MAS1L: variants seen among roughly 807,000 people sequenced by gnomAD.
MAS1L encodes the protein MAS1 proto-oncogene like, G protein-coupled receptor, also known as mas-related G protein-coupled receptor MRG.
For missense variants in MAS1L, 441 were observed against 460.1 expected (o/e 0.96, Z 0.38); for synonymous variants, 160 against 182.9 (o/e 0.87, Z 1.01).
Position 29,487,164 on chromosome 6 carries a change from G to C in MAS1L, c.739C>G (p.Leu247Val). ...LVMCVSSLTLLIRFLCCSQQQ... is the reference protein window; with the variant it reads ...LVMCVSSLTLVIRFLCCSQQQ... The stretch of plus-strand genomic sequence containing the variant: ...TGGGAGCAGCACAGGAATCTAATGA[G>C]TAGAGTCAGACTCGACACACACATC... The change falls in exon 1 of 1, where the codon CTC becomes GTC. Residue 247 changes from leucine (L) to valine (V), a missense_variant. Physicochemically the swap from Leu to Val is conservative, Grantham distance 32. Transcript: ENST00000377127. 1 of 1,614,096 alleles carries C rather than the reference G, an allele frequency of 6.2e-7. No individual in the cohort carries two copies.
rs770468152 is a variant in MAS1L at position 29,487,755 on chromosome 6, C to T, written c.148G>A (p.Val50Ile). 1.7e-5 allele frequency: 27 copies of T among 1,614,126 alleles called. No homozygotes were observed. The highest frequency in any genetic ancestry group is 2.2e-5 in the Non-Finnish European group (26 of 1,180,062). The part of the protein sequence containing the change: ...NPNLVSQLCG[V>I]FLQNETNETI... The stretch of plus-strand genomic sequence containing the variant: ...TCATTCGTCTCATTTTGAAGAAAGA[C>T]GCCACAGAGCTGAGATACCAGGTTT... The change falls in exon 1 of 1, where the codon GTC becomes ATC. Residue 50 changes from valine to isoleucine, a missense_variant. Val to Ile is a conservative substitution (Grantham distance 29). Coordinates refer to ENST00000377127, the MANE Select transcript of MAS1L (RefSeq NM_052967.2).
At position 29,486,739 on chromosome 6, in the gene MAS1L, A is replaced by G; in HGVS notation, c.*27T>C. On this transcript the variant is annotated 3_prime_UTR_variant, in exon 1 of 1. Coordinates refer to ENST00000377127, the MANE Select transcript of MAS1L (RefSeq NM_052967.2). ...CAGAACAGGCTGGGTTACTATGTGT[A>G]CAATTCCCCAGCTCAGATGTGGGAA... is the stretch of plus-strand genomic sequence containing the variant. 2 of 1,589,646 alleles carry G rather than the reference A, an allele frequency of 1.3e-6. No homozygotes were observed. The highest frequency in any genetic ancestry group is 1.7e-6 in the Non-Finnish European group (2 of 1,169,110).
Position 29,486,973 on chromosome 6 carries a change from G to A in MAS1L, c.930C>T (p.Asn310=). The A allele has an allele frequency of 6.2e-7, 1 of 1,614,110 alleles. No individual in the cohort carries two copies. The highest frequency in any genetic ancestry group is 8.5e-7 in the Non-Finnish European group (1 of 1,180,014). The change falls in exon 1 of 1, where the codon AAC becomes AAT. Residue 310 remains asparagine, a synonymous_variant. Coordinates refer to ENST00000377127, the MANE Select transcript of MAS1L (RefSeq NM_052967.2). ...TCCCCACAAAGAAATAAATGATAGGGTTGGCGCTGCTGTTTATAATGAGGA... is the reference window on the plus strand; with the variant it reads ...TCCCCACAAAGAAATAAATGATAGGATTGGCGCTGCTGTTTATAATGAGGA... ...SLFLIINSSA[N]PIIYFFVGSL...
chr6:29,487,617 C>G lies in MAS1L; in HGVS notation c.286G>C (p.Val96Leu). 6.2e-7 allele frequency: 1 copy of G among 1,614,198 alleles called. No homozygotes were observed. The highest frequency in any genetic ancestry group is 8.5e-7 in the Non-Finnish European group (1 of 1,180,026). Reference sequence around the variant, plus strand: ...GCCCCACAGCAAAGCAGCCAGAAGACAGTGCCATTCAATAAGACCCCACAG... The same window carrying G: ...GCCCCACAGCAAAGCAGCCAGAAGAGAGTGCCATTCAATAAGACCCCACAG... ...SLCGVLLNGT[V>L]FWLLCCGATN... is the part of the protein sequence containing the mutation. Residue 96 changes from valine (V) to leucine (L), a missense_variant, in exon 1 of 1, where the codon GTC (valine) becomes CTC (leucine). By Grantham distance (32) the Val-to-Leu change is conservative (BLOSUM62 1). Coordinates refer to ENST00000377127, the MANE Select transcript of MAS1L (RefSeq NM_052967.2).
chr6:29,487,572 A>T lies in MAS1L; in HGVS notation c.331T>A (p.Tyr111Asn). 1 of 1,614,202 alleles carries T rather than the reference A, an allele frequency of 6.2e-7. No individual in the cohort carries two copies. Among genetic ancestry groups the T allele is most frequent in the Non-Finnish European group, 8.5e-7 (1 of 1,180,032 alleles). Reference protein sequence around the residue: ...CCGATNPYMVYILHLVAADVI... With the variant: ...CCGATNPYMVNILHLVAADVI... ...TCAGCAGCGACCAGGTGGAGGATGT[A>T]TACCATGTAGGGATTCGTGGCCCCA... Residue 111 changes from tyrosine to asparagine, a missense_variant, in exon 1 of 1, where the codon TAC becomes AAC. By Grantham distance (143) the Tyr-to-Asn change is moderately radical. Coordinates refer to ENST00000377127, the MANE Select transcript of MAS1L (RefSeq NM_052967.2).
chr6:29,487,894 C>T, the MAS1L span: 1 of 1,607,642 alleles, frequency 6.2e-7, no homozygotes, highest in African/African-American at 1.3e-5. Context: ...AAATTTTCCC[C>T]CAGACCATGG....
rs1173651487 is a variant in MAS1L at position 29,487,324 on chromosome 6, GACA to G, written c.576_578del (p.Val193del). The G allele has an allele frequency of 1.2e-6, 2 of 1,614,110 alleles. No homozygotes were observed. The highest frequency in any genetic ancestry group is 1.1e-5 in the South Asian group (1 of 91,082). ...AAGGCAGGCCCCAGATGAGGGTGCAGACAACATTAGATGTGTATTTTGGGCGGT... is the reference window on the plus strand; with the variant it reads ...AAGGCAGGCCCCAGATGAGGGTGCAGACATTAGATGTGTATTTTGGGCGGT... On this transcript the variant is annotated inframe_deletion, in exon 1 of 1. Transcript: ENST00000377127.
At position 29,486,755 on chromosome 6, in the gene MAS1L, G is replaced by A; in HGVS notation, c.*11C>T. On this transcript the variant is annotated 3_prime_UTR_variant, in exon 1 of 1. Coordinates refer to ENST00000377127, the MANE Select transcript of MAS1L (RefSeq NM_052967.2). Reference sequence around the variant, plus strand: ...ACTATGTGTACAATTCCCCAGCTCAGATGTGGGAAATTATGTTTCCACATC... The same window carrying A: ...ACTATGTGTACAATTCCCCAGCTCAAATGTGGGAAATTATGTTTCCACATC... 6.2e-7 allele frequency: 1 copy of A among 1,604,220 alleles called. No homozygotes were observed. Among genetic ancestry groups the A allele is most frequent in the Non-Finnish European group, 8.5e-7 (1 of 1,175,522 alleles).
In MAS1L at chr6:29,487,254, G is replaced by A. The variant is rs757000368; in HGVS notation, c.649C>T (p.His217Tyr). 6.2e-7 allele frequency: 1 copy of A among 1,614,158 alleles called. No homozygotes were observed. Among genetic ancestry groups the A allele is most frequent in the South Asian group, 1.1e-5 (1 of 91,084 alleles). ...AGAAATATGACACATGCCTTTACAT[G>A]TTTCCAGTAAGTTAGGAAAAGTGAT... ...VKSLFLTYWK[H>Y]VKACVIFLKL... Residue 217 changes from histidine (H) to tyrosine (Y), a missense_variant, in exon 1 of 1, where the codon CAT becomes TAT. By Grantham distance (83) the His-to-Tyr change is moderately conservative. Transcript: ENST00000377127.
rs1435449305 is a variant in MAS1L, at chr6:29,487,332, T to C, written c.571A>G (p.Asn191Asp). 15 of 1,613,702 alleles carry C rather than the reference T, an allele frequency of 9.3e-6. No homozygotes were observed. Among genetic ancestry groups the C allele is most frequent in the South Asian group, 1.1e-5 (1 of 91,026 alleles). Residue 191 changes from asparagine to aspartate, a missense_variant, in exon 1 of 1, where the codon AAT becomes GAT. Asn to Asp is a conservative substitution (Grantham distance 23). Transcript: ENST00000377127. ...YRCHRPKYTSNVVCTLIWGLP... is the reference protein window; with the variant it reads ...YRCHRPKYTSDVVCTLIWGLP... ...CCCCAGATGAGGGTGCAGACAACAT[T>C]AGATGTGTATTTTGGGCGGTGGCAT... is the stretch of plus-strand genomic sequence containing the variant.
chr6:29,486,831 G>A lies in MAS1L; in HGVS notation c.1072C>T (p.Pro358Ser). The A allele has an allele frequency of 6.2e-7, 1 of 1,614,146 alleles. No homozygotes were observed. The highest frequency in any genetic ancestry group is 8.5e-7 in the Non-Finnish European group (1 of 1,180,032). The change falls in exon 1 of 1, where the codon CCA becomes TCA. Residue 358 changes from proline (P) to serine (S), a missense_variant. Pro to Ser is a moderately conservative substitution (Grantham distance 74, BLOSUM62 -1). Coordinates refer to ENST00000377127, the MANE Select transcript of MAS1L (RefSeq NM_052967.2). ...KAAGIDPMEQ[P>S]HSTQHVENLL... ...TTCTCCACATGCTGAGTAGAGTGTG[G>A]TTGCTCCATTGGGTCGATGCCAGCT...
Position 29,487,862 on chromosome 6 carries a change from C to G in MAS1L, c.41G>C (p.Gly14Ala). Residue 14 changes from glycine to alanine, a missense_variant, in exon 1 of 1, where the codon GGA becomes GCA. Gly to Ala is a moderately conservative substitution (Grantham distance 60). Transcript: ENST00000377127. ...CTGTGACTCAGCAAACACTGTCCAT[C>G]CAGCCCTCTGGCTGAACCAGCAAAT... ...GKICWFSQRA[G>A]WTVFAESQIS... The G allele has an allele frequency of 6.2e-7, 1 of 1,613,060 alleles. No homozygotes were observed.
chr6:29,486,935 T>C lies in MAS1L; in HGVS notation c.968A>G (p.Lys323Arg). 1 of 1,614,174 alleles carries C rather than the reference T, an allele frequency of 6.2e-7. No individual in the cohort carries two copies. Among genetic ancestry groups the C allele is most frequent in the African/African-American group, 1.3e-5 (1 of 75,036 alleles). ...IYFFVGSLRK[K>R]RLKESLRVIL... ...CACTCTGAGAGATTCCTTCAGCCTT[T>C]TCTTTCTGAGGCTCCCCACAAAGAA... The change falls in exon 1 of 1, where the codon AAA (lysine) becomes AGA (arginine). Residue 323 changes from lysine (K) to arginine (R), a missense_variant. Transcript: ENST00000377127.
rs17184114 is a variant in MAS1L, at chr6:29,487,822, A to G, written c.81T>C (p.Cys27=). 64,411 of 1,614,082 alleles carry G rather than the reference A, an allele frequency of 0.04. 3,599 individuals are homozygous for G. The highest frequency in any genetic ancestry group is 0.22 in the African/African-American group (16,866 of 74,992). Residue 27 remains cysteine (C), a synonymous_variant, in exon 1 of 1, where the codon TGT becomes TGC. Transcript: ENST00000377127. ...GGTCACCACTGTGGAGACAAAGGCT[A>G]CATGAGAGAGATATCTGTGACTCAG... ...VFAESQISLS[C]SLCLHSGDQE... is the part of the protein sequence containing the mutation.
At position 29,487,291 on chromosome 6, in the gene MAS1L, G is replaced by A; in HGVS notation, c.612C>T (p.Ile204=). The change falls in exon 1 of 1, where the codon ATC becomes ATT. Residue 204 remains isoleucine (I), a synonymous_variant. Transcript: ENST00000377127. ...CTLIWGLPFC[I]NIVKSLFLTY... is the part of the protein sequence containing the mutation. ...TTAGGAAAAGTGATTTTACTATGTT[G>A]ATGCAAAAAGGCAGGCCCCAGATGA... 6.2e-7 allele frequency: 1 copy of A among 1,614,094 alleles called. No homozygotes were observed.
In MAS1L at chr6:29,487,188, T is replaced by A. The variant is rs766125795; in HGVS notation, c.715A>T (p.Met239Leu). ...AGTAGAGTCAGACTCGACACACACA[T>A]CACAAGTGAAAGGATAGCATGGAAG... ...GLFHAILSLV[M>L]CVSSLTLLIR... is the part of the protein sequence containing the mutation. Residue 239 changes from methionine (M) to leucine (L), a missense_variant, in exon 1 of 1, where the codon ATG (methionine) becomes TTG (leucine). Coordinates refer to ENST00000377127, the MANE Select transcript of MAS1L (RefSeq NM_052967.2). 1.9e-6 allele frequency: 3 copies of A among 1,613,976 alleles called. No individual in the cohort carries two copies. In the East Asian group the frequency reaches 6.7e-5, roughly 36 times the overall value.
At position 29,487,858 on chromosome 6, in the gene MAS1L, C is replaced by A. The variant is rs757207904; in HGVS notation, c.45G>T (p.Trp15Cys). 3.1e-6 allele frequency: 5 copies of A among 1,613,256 alleles called. No homozygotes were observed. The Admixed American group carries it at 8.3e-5, about 27-fold the overall frequency. The change falls in exon 1 of 1, where the codon TGG (tryptophan) becomes TGT (cysteine). Residue 15 changes from tryptophan (W) to cysteine (C), a missense_variant. Transcript: ENST00000377127. ...KICWFSQRAG[W>C]TVFAESQISL... Reference sequence around the variant, plus strand: ...ATATCTGTGACTCAGCAAACACTGTCCATCCAGCCCTCTGGCTGAACCAGC... The same window carrying A: ...ATATCTGTGACTCAGCAAACACTGTACATCCAGCCCTCTGGCTGAACCAGC...
At chr6:29,487,140 G>A in the MAS1L span, 70 of 1,613,912 alleles carry the variant, frequency 4.3e-5, no homozygotes, top group Non-Finnish European at 5.8e-5. Context: ...TTTTGCTGCT[G>A]GGAGCAGCAC....
At chr6:29,486,814 AT>A in the MAS1L span, 3 of 1,614,078 alleles carry the variant, frequency 1.9e-6, no homozygotes, top group Non-Finnish European at 2.5e-6. Flanking sequence ...GGTTCTCCAC[AT>A]GCTGAGTAGA....
Sources: allele counts gnomAD v4.1 joint callset, GRCh38; gene constraint gnomAD v4.1.1; transcripts MANE v1.5; gene names NCBI Gene and HGNC (gene_info 2026-07-23, HGNC 2026-07-21).